Variants in ATP13A5 observed in about 807,000 individuals in gnomAD.
The protein encoded by ATP13A5 is probable cation-transporting ATPase 13A5.
In ATP13A5, 149 loss-of-function variants were observed where a neutral mutation model predicts 150.2. The observed-to-expected ratio is 0.99, with a 90% CI of 0.87 to 1.14. The LOEUF is 1.14. Ranked by LOEUF, ATP13A5 falls within the 50% of genes most tolerant of loss-of-function variation. The pLI, the probability that ATP13A5 is intolerant of heterozygous loss-of-function variation, is 0.00. For missense variants in ATP13A5, 1,383 were observed against 1,449.3 expected (o/e 0.95, Z 0.74); for synonymous variants, 497 against 522.2 (o/e 0.95, Z 0.66).
Position 193,275,172 on chromosome 3 carries a change from G to A in ATP13A5, c.3527C>T (p.Thr1176Ile), listed in dbSNP as rs755766325. Reference sequence around the variant, plus strand: ...ATTTTTGCCATCACCTGAATAATCTGTCCTGTTTATGGGAGGCCAGGTTGA... The same window carrying A: ...ATTTTTGCCATCACCTGAATAATCTATCCTGTTTATGGGAGGCCAGGTTGA... Reference protein sequence around the residue: ...EDSTWPPINRTDYSGDGKNGF... With the variant: ...EDSTWPPINRIDYSGDGKNGF... Residue 1176 changes from threonine to isoleucine, a missense_variant, in exon 30 of 30, where the codon ACA becomes ATA. By Grantham distance (89) the Thr-to-Ile change is moderately conservative (BLOSUM62 -1). Transcript: ENST00000342358. 4.3e-6 allele frequency: 7 copies of A among 1,614,002 alleles called. No individual in the cohort carries two copies. The East Asian group carries it at 1.6e-4, about 36-fold the overall frequency.
In ATP13A5 at chr3:193,307,349, C is replaced by T. The variant is rs751575510; in HGVS notation, c.2546G>A (p.Gly849Glu). The T allele has an allele frequency of 3.1e-6, 5 of 1,613,758 alleles. No individual in the cohort carries two copies. The Admixed American group carries it at 8.3e-5, about 27-fold the overall frequency. Residue 849 changes from glycine (G) to glutamate (E), a missense_variant, in exon 22 of 30, where the codon GGA becomes GAA. Coordinates refer to ENST00000342358, the MANE Select transcript of ATP13A5 (RefSeq NM_198505.4). ...CACCCCACAGTCGTTAGCTCCATCT[C>T]CACACATGCCCACATAATAACTGCG... ...QKLNYYVGMC[G>E]DGANDCGALK...
chr3:193,364,204 A>AG lies in ATP13A5; in HGVS notation c.139dup (p.Leu47ProfsTer67), dbSNP rs1560151964. ...GGGTCTCCAGTAGAACACCAGCAGA[A>AG]GGCCCCCACAGGTCAGCACGGATGC... On this transcript the variant is annotated frameshift_variant, in exon 2 of 30. Transcript: ENST00000342358. LOFTEE classifies it high-confidence loss of function. 3 of 1,614,026 alleles carry AG rather than the reference A, an allele frequency of 1.9e-6. No homozygotes were observed. Among genetic ancestry groups the AG allele is most frequent in the Non-Finnish European group, 1.7e-6 (2 of 1,180,000 alleles).
intron 23 of ATP13A5, among the ~76,000 whole-genome samples, chr3:193,303,589 T>TA (rs953813389): frequency 1.3e-5 from 2 of 151,978 alleles, no homozygotes; most frequent in Non-Finnish European, 2.9e-5. Context: ...ATTTCTCCTT[T>TA]AAAAAAATTC....
intron 6 of ATP13A5, 52 bp downstream of exon 6, chr3:193,354,075 G>T (rs1712680083): frequency 6.8e-7 from 1 of 1,470,846 alleles, no homozygotes; most frequent in Non-Finnish European, 9.3e-7. Flanking sequence ...GAAGTAAGAA[G>T]TAAGGGGCAG....
chr3:193,312,045 G>A, intron 19 of ATP13A5, 104 bp from the exon 20 acceptor site: 3 of 1,416,930 alleles, frequency 2.1e-6, no homozygotes, highest in Non-Finnish European at 2.9e-6. Flanking sequence ...ACAGTGTGAA[G>A]GTCAGCAACA....
chr3:193,328,596 T>C (rs1164163719), intron 12 of ATP13A5, among the ~76,000 whole-genome samples: 2 of 152,122 alleles, frequency 1.3e-5, no homozygotes, highest in Non-Finnish European at 2.9e-5. Context: ...CCCTTAACAA[T>C]AAAACTAACC....
chr3:193,331,039 TG>T, intron 12 of ATP13A5, 83 bp downstream of exon 12: 1 of 1,394,696 alleles, frequency 7.2e-7, no homozygotes, highest in South Asian at 1.3e-5. Context: ...ATGGGAACAC[TG>T]GACTAGACAT....
intron 25 of ATP13A5, among the ~76,000 whole-genome samples, 157 bp downstream of exon 25, chr3:193,298,974 C>A (rs752560903): frequency 4.6e-5 from 7 of 152,154 alleles, no homozygotes; most frequent in Non-Finnish European, 1.0e-4. Flanking sequence ...AGGATTTCAA[C>A]TCTCAACTTA....
At chr3:193,341,339 A>G (rs557973194) in intron 9 of ATP13A5, among the ~76,000 whole-genome samples, 1 of 152,250 alleles carries the variant, frequency 6.6e-6, no homozygotes, top group South Asian at 2.1e-4. Context: ...ATGGATTGAG[A>G]GACTATCTGA....
Position 193,333,850 on chromosome 3 carries a change from T to C in ATP13A5, c.1172A>G (p.Asn391Ser), listed in dbSNP as rs761030936. 4.3e-6 allele frequency: 7 copies of C among 1,613,936 alleles called. No individual in the cohort carries two copies. In the South Asian group the frequency reaches 5.5e-5, roughly 13 times the overall value. ...VRSILYPRPLNFKLYSDAFKF... is the reference protein window; with the variant it reads ...VRSILYPRPLSFKLYSDAFKF... ...GAAGGCATCGCTGTATAGTTTGAAG[T>C]TCAGAGGCCGGGGGTACAGGATGGA... The change falls in exon 11 of 30, where the codon AAC (asparagine) becomes AGC (serine). Residue 391 changes from asparagine to serine, a missense_variant. Physicochemically the swap from Asn to Ser is conservative, Grantham distance 46. Transcript: ENST00000342358.
rs775929293 is a variant in ATP13A5 at position 193,333,767 on chromosome 3, C to T, written c.1255G>A (p.Val419Ile). ...GVMGFFYALG[V>I]YMYHGVPPKD... is the part of the protein sequence containing the mutation. ...GTACTTACTCCATGGTACATATATA[C>T]CCCTAGGGCATAGAAAAAACCCATG... Residue 419 changes from valine (V) to isoleucine (I), a missense_variant, in exon 11 of 30, where the codon GTA becomes ATA. Physicochemically the swap from Val to Ile is conservative, Grantham distance 29. This residue lies in a region of ATP13A5 where 787 missense variants were observed against 771.9 expected (regional missense o/e 1.02). Coordinates refer to ENST00000342358, the MANE Select transcript of ATP13A5 (RefSeq NM_198505.4). The T allele has an allele frequency of 8.1e-6, 13 of 1,613,722 alleles. No homozygotes were observed. The highest frequency in any genetic ancestry group is 1.7e-4 in the Middle Eastern group (1 of 6,050).
intron 25 of ATP13A5, among the ~76,000 whole-genome samples, chr3:193,298,101 G>C (rs539260150): frequency 6.6e-6 from 1 of 152,194 alleles, no homozygotes; most frequent in Non-Finnish European, 1.5e-5. Context: ...GTTAGCCAGA[G>C]GTCACGAAAA....
At chr3:193,312,033 T>C in intron 19 of ATP13A5, 92 bp from the exon 20 acceptor site, 1 of 1,508,434 alleles carries the variant, frequency 6.6e-7, no homozygotes, top group Admixed American at 1.9e-5. Context: ...TCATGTTGCC[T>C]AACAGTGTGA....
chr3:193,282,298 G>C (rs1249876482), intron 27 of ATP13A5, among the ~76,000 whole-genome samples: 13 of 152,050 alleles, frequency 8.5e-5, no homozygotes, highest in Admixed American at 8.5e-4. Context: ...CATTTCCTGT[G>C]TATTAGTAAT....
At chr3:193,302,597 C>T (rs1237300440) in intron 23 of ATP13A5, among the ~76,000 whole-genome samples, 5 of 152,196 alleles carry the variant, frequency 3.3e-5, no homozygotes, top group Non-Finnish European at 7.3e-5. Context: ...TTTATCTACG[C>T]ATTCTACAAA....
chr3:193,365,281 G>A (rs989021096), intron 1 of ATP13A5, among the ~76,000 whole-genome samples: 3 of 151,970 alleles, frequency 2.0e-5, no homozygotes, highest in Non-Finnish European at 2.9e-5. Context: ...CTTTTGATGC[G>A]GGAACATCCT....
At chr3:193,333,723 T>C (rs781588331) in intron 11 of ATP13A5, 27 bp downstream of exon 11, 7 of 1,603,820 alleles carry the variant, frequency 4.4e-6, no homozygotes, top group Non-Finnish European at 6.0e-6. Context: ...ATCTATACTA[T>C]TGAAAAGCCT....
At chr3:193,359,218 T>C (rs1712908392) in intron 5 of ATP13A5, among the ~76,000 whole-genome samples, 1 of 152,178 alleles carries the variant, frequency 6.6e-6, no homozygotes, top group South Asian at 2.1e-4. Context: ...TCCTTGATCC[T>C]TCTGTAAATG....
intron 23 of ATP13A5, among the ~76,000 whole-genome samples, chr3:193,303,803 AT>A (rs1718502723): frequency 1.3e-5 from 2 of 151,486 alleles, no homozygotes; most frequent in Non-Finnish European, 2.9e-5. Context: ...GTATATAAAT[AT>A]ATATACACAC....
Sources: gnomAD v4.1 joint callset for allele counts (sites outside exome capture counted in the v4.1 genomes callset) on GRCh38, gnomAD v4.1.1 for gene constraint, gnomAD v4.1.1 regional missense constraint, MANE v1.5 for transcripts, NCBI Gene and HGNC (gene_info 2026-07-23, HGNC 2026-07-21) for gene names.